INPP4A: variants seen among roughly 807,000 people sequenced by gnomAD.
The protein encoded by INPP4A is inositol polyphosphate-4-phosphatase type I A.
INPP4A carries 33 observed loss-of-function variants against 119.8 expected under a neutral mutation model. That is an observed-to-expected ratio of 0.28 (90% CI 0.21 to 0.37). INPP4A has a LOEUF of 0.37. Ranked by LOEUF, INPP4A falls within the 10% of genes least tolerant of loss-of-function variation. The probability of loss-of-function intolerance (pLI) is 1.00; values close to 1 mark genes in which losing one functional copy is unlikely to be tolerated. For missense variants in INPP4A, 956 were observed against 1,289.9 expected (o/e 0.74, Z 3.97); for synonymous variants, 496 against 500.7 (o/e 0.99, Z 0.12).
At chr2:98,540,230 C>T (rs763540635) in intron 10 of INPP4A, among the ~76,000 whole-genome samples, 1 of 152,220 alleles carries the variant, frequency 6.6e-6, no homozygotes, top group Non-Finnish European at 1.5e-5. Context: ...CCATGCCCGG[C>T]CTTCCTTCTC....
At chr2:98,524,676 G>A (rs1428277124) in intron 4 of INPP4A, among the ~76,000 whole-genome samples, 12 of 152,172 alleles carry the variant, frequency 7.9e-5, no homozygotes, top group Non-Finnish European at 2.9e-5. Flanking sequence ...GTAGAGAGAG[G>A]CCACAGGTCA....
intron 23 of INPP4A, among the ~76,000 whole-genome samples, chr2:98,576,621 C>T (rs2106483030): frequency 6.6e-6 from 1 of 152,320 alleles, no homozygotes; most frequent in East Asian, 1.9e-4. Flanking sequence ...CGCCCTCTTT[C>T]CCTGAGGGAT....
chr2:98,563,538 C>A lies in INPP4A; in HGVS notation c.1929C>A (p.Ala643=), dbSNP rs1182085106. 1.9e-6 allele frequency: 3 copies of A among 1,613,822 alleles called. No homozygotes were observed. Among genetic ancestry groups the A allele is most frequent in the Non-Finnish European group, 2.5e-6 (3 of 1,179,868 alleles). ...GCGTGGCCATGATGAGTGACAAGGC[C>A]AAGAAGGCCATGGTATTCCTGCTCA... ...TDCVAMMSDK[A]KKAMVFLLMQ... is the part of the protein sequence containing the mutation. The change falls in exon 18 of 25, where the codon GCC becomes GCA. Residue 643 remains alanine (A), a synonymous_variant. Transcript: ENST00000409851.
chr2:98,544,831 G>A (rs1289020063), intron 11 of INPP4A, among the ~76,000 whole-genome samples: 2 of 152,212 alleles, frequency 1.3e-5, no homozygotes, highest in Non-Finnish European at 2.9e-5. Flanking sequence ...CCAAATGCAG[G>A]ACTAACAAGG....
chr2:98,502,263 G>A (rs1683270087), intron 1 of INPP4A, among the ~76,000 whole-genome samples: 1 of 152,214 alleles, frequency 6.6e-6, no homozygotes, highest in Admixed American at 6.5e-5. Flanking sequence ...TGGTTTGCAT[G>A]TACAGAGGCA....
chr2:98,520,144 C>G lies in INPP4A; in HGVS notation c.96C>G (p.Leu32=), dbSNP rs1686902713. 1 of 1,557,586 alleles carries G rather than the reference C, an allele frequency of 6.4e-7. No homozygotes were observed. Among genetic ancestry groups the G allele is most frequent in the African/African-American group, 1.4e-5 (1 of 73,420 alleles). ...TIDVAADMLG[L]SLAGNIQDPD... ...ACGTGGCGGCCGACATGCTGGGCCT[C>G]TCTCTGGCAGGTGAGCCTCACAGGG... Residue 32 remains leucine (L), a synonymous_variant, in exon 3 of 25, where the codon CTC becomes CTG. Coordinates refer to ENST00000409851, the MANE Select transcript of INPP4A (RefSeq NM_001134225.2).
chr2:98,459,997 C>T (rs561309670), intron 1 of INPP4A, among the ~76,000 whole-genome samples: 1 of 152,130 alleles, frequency 6.6e-6, no homozygotes, highest in Admixed American at 6.5e-5. Context: ...TCAGCAGTGA[C>T]CTTTTTTATC....
intron 24 of INPP4A, among the ~76,000 whole-genome samples, chr2:98,582,357 A>G (rs1230617897): frequency 6.6e-6 from 1 of 152,260 alleles, no homozygotes; most frequent in Non-Finnish European, 1.5e-5. Context: ...ATTTCCAATT[A>G]AGGATGACAC....
At chr2:98,561,007 C>G (rs1300442995) in intron 17 of INPP4A, among the ~76,000 whole-genome samples, 1 of 152,174 alleles carries the variant, frequency 6.6e-6, no homozygotes, top group Non-Finnish European at 1.5e-5. Flanking sequence ...TAAAATGGTC[C>G]TTGCAAGGAG....
chr2:98,548,064 G>C (rs898460986), intron 13 of INPP4A, among the ~76,000 whole-genome samples: 1 of 152,184 alleles, frequency 6.6e-6, no homozygotes, highest in African/African-American at 2.4e-5. Context: ...TGAAAGGTCA[G>C]ATCAGTGGCT....
At chr2:98,445,329 C>G (rs990202367) in intron 1 of INPP4A, among the ~76,000 whole-genome samples, 1 of 152,152 alleles carries the variant, frequency 6.6e-6, no homozygotes, top group Non-Finnish European at 1.5e-5. Flanking sequence ...CAGCAGGGAG[C>G]CGGGTGCCGA....
At chr2:98,543,113 G>T (rs528382664) in intron 10 of INPP4A, among the ~76,000 whole-genome samples, 1 of 152,166 alleles carries the variant, frequency 6.6e-6, no homozygotes, top group East Asian at 1.9e-4. Flanking sequence ...GTAGAGACGG[G>T]GTTTCACCAT....
chr2:98,455,737 G>A (rs1415027427), intron 1 of INPP4A, among the ~76,000 whole-genome samples: 1 of 152,232 alleles, frequency 6.6e-6, no homozygotes, highest in African/African-American at 2.4e-5. Flanking sequence ...ATTTAGGGAA[G>A]TTGTTCTTTG....
intron 1 of INPP4A, among the ~76,000 whole-genome samples, chr2:98,473,511 G>A (rs1676584097): frequency 1.3e-5 from 2 of 152,078 alleles, no homozygotes; most frequent in Non-Finnish European, 2.9e-5. Flanking sequence ...GAGTGTGGAG[G>A]GCAGTGTAGG....
chr2:98,519,981 C>T lies in INPP4A; in HGVS notation c.-68C>T, dbSNP rs1249547161. On this transcript the variant is annotated 5_prime_UTR_variant, in exon 3 of 25. Transcript: ENST00000409851. ...ACTTTAGTGGACTAGGGCTCGGTGC[C>T]AGCACTTCCCGGGTAATCAGGCGTG... 7.5e-7 allele frequency: 1 copy of T among 1,329,366 alleles called. No homozygotes were observed. The highest frequency in any genetic ancestry group is 1.1e-6 in the Non-Finnish European group (1 of 944,250). 82.3% of individuals were successfully genotyped at this position (1,329,366 alleles called of 1,614,324 possible).
At chr2:98,550,192 CT>C in intron 13 of INPP4A, among the ~76,000 whole-genome samples, 1 of 152,102 alleles carries the variant, frequency 6.6e-6, no homozygotes, top group Non-Finnish European at 1.5e-5. Flanking sequence ...CTGGTCACCC[CT>C]TGCCGTCTCC....
At chr2:98,568,410 G>A (rs1035628372) in intron 21 of INPP4A, among the ~76,000 whole-genome samples, 161 bp from the exon 22 acceptor site, 1 of 152,210 alleles carries the variant, frequency 6.6e-6, no homozygotes, top group Non-Finnish European at 1.5e-5. Context: ...CAGCAACACT[G>A]TAGAAATGCC....
upstream of INPP4A, chr2:98,444,749 G>A (rs894253352): frequency 1.3e-5 from 2 of 152,526 alleles, no homozygotes; most frequent in African/African-American, 2.4e-5. Flanking sequence ...TGTCTCAGAG[G>A]GCGGACCCAG....
intron 16 of INPP4A, chr2:98,556,043 C>G: frequency 1.9e-6 from 1 of 521,282 alleles, no homozygotes; most frequent in South Asian, 3.3e-5. Context: ...CAGTCAGAAT[C>G]TCAGGGTCCT....
Sources: gnomAD v4.1 joint callset for allele counts (sites outside exome capture counted in the v4.1 genomes callset) on GRCh38, gnomAD v4.1.1 for gene constraint, MANE v1.5 for transcripts, NCBI Gene and HGNC (gene_info 2026-07-23, HGNC 2026-07-21) for gene names.